The following NCR1 variants were observed in gnomAD, a reference collection of about 807,000 sequenced individuals.
NCR1 encodes the protein natural cytotoxicity triggering receptor 1.
NCR1 carries 30 observed loss-of-function variants against 32.5 expected under a neutral mutation model. The observed-to-expected ratio is 0.92, with a 90% CI of 0.69 to 1.25. NCR1 has a LOEUF of 1.25. NCR1 is among the 50% of genes most tolerant of loss of function. NCR1 has a pLI of 0.00. For synonymous variants in NCR1, 169 were observed against 143.4 expected (o/e 1.18, Z -1.28); for missense variants, 369 against 380.7 (o/e 0.97, Z 0.26).
intron 3 of NCR1, 85 bp from the exon 4 acceptor site, chr19:54,909,160 A>T (rs2067804951): frequency 3.0e-6 from 4 of 1,327,662 alleles, no homozygotes; most frequent in Admixed American, 4.4e-5. Flanking sequence ...ACAGAGAGAG[A>T]CTCCATCTCT....
At chr19:54,936,200 C>A in the NCR1 span, 1 of 1,477,850 alleles carries the variant, frequency 6.8e-7, no homozygotes, top group Non-Finnish European at 9.4e-7. Flanking sequence ...TTCCTAGATC[C>A]CCCAGCAACA....
chr19:54,903,558 A>G (rs1463346788), upstream of NCR1, among the ~76,000 whole-genome samples: 3 of 148,064 alleles, frequency 2.0e-5, no homozygotes, highest in African/African-American at 5.0e-5. Context: ...GTGTGTATAT[A>G]TACATATATG....
intron 3 of NCR1, 100 bp from the exon 4 acceptor site, chr19:54,909,145 G>A: frequency 8.3e-7 from 1 of 1,206,506 alleles, no homozygotes; most frequent in South Asian, 1.5e-5. Context: ...ACTCCAGCCT[G>A]GGCGACAGAG....
the NCR1 span, chr19:54,923,833 C>T: frequency 6.2e-7 from 1 of 1,614,046 alleles, no homozygotes; most frequent in Non-Finnish European, 8.5e-7. Flanking sequence ...CTTCCTCCAA[C>T]AGCTTCTTGA....
At chr19:54,919,186 C>T (rs1004363468), downstream of NCR1, among the ~76,000 whole-genome samples, 17 of 151,972 alleles carry the variant, frequency 1.1e-4, no homozygotes, top group African/African-American at 3.4e-4. Context: ...CTGTGTGCGG[C>T]GACGAGAGAG....
chr19:54,916,665 C>T (rs2068140818), downstream of NCR1, among the ~76,000 whole-genome samples: 1 of 150,418 alleles, frequency 6.6e-6, no homozygotes, highest in Non-Finnish European at 1.5e-5. Context: ...CCCTGATAAC[C>T]TCCACCTACT....
the NCR1 span, among the ~76,000 whole-genome samples, chr19:54,936,104 G>A: frequency 6.6e-6 from 1 of 152,098 alleles, no homozygotes; most frequent in South Asian, 2.1e-4. Context: ...GCTGGTGGGG[G>A]AAAGAGGAGA....
chr19:54,929,396 GTT>G, the NCR1 span, among the ~76,000 whole-genome samples: 10 of 103,862 alleles, frequency 9.6e-5, no homozygotes, highest in South Asian at 3.5e-4. Context: ...GTGTTCTAGT[GTT>G]TTTTTTCTTT....
the NCR1 span, among the ~76,000 whole-genome samples, chr19:54,922,819 C>T: frequency 6.9e-6 from 1 of 144,770 alleles, no homozygotes; most frequent in African/African-American, 2.6e-5. Context: ...AACAGAGAGA[C>T]ACATACAAAG....
At chr19:54,905,803 A>G (rs754022218), upstream of NCR1, among the ~76,000 whole-genome samples, 51 of 152,180 alleles carry the variant, frequency 3.4e-4, no homozygotes, top group Non-Finnish European at 6.9e-4. Flanking sequence ...CTGTTCCAGT[A>G]TCTCACTGTG....
At chr19:54,903,400 A>G (rs587601593), upstream of NCR1, among the ~76,000 whole-genome samples, 482 of 139,672 alleles carry the variant, frequency 3.5e-3, 12 homozygotes, top group African/African-American at 0.012. Flanking sequence ...ATATATGTAT[A>G]TGTATGTATA....
downstream of NCR1, among the ~76,000 whole-genome samples, chr19:54,917,672 T>G (rs1006157605): frequency 6.6e-6 from 1 of 152,110 alleles, no homozygotes; most frequent in African/African-American, 2.4e-5. Flanking sequence ...TGCTCTCCAC[T>G]CCAGGGGACA....
the NCR1 span, chr19:54,938,095 C>A: frequency 2.5e-6 from 4 of 1,614,018 alleles, no homozygotes; most frequent in Non-Finnish European, 3.4e-6. Context: ...ACAAAGAATC[C>A]GCACAGAAGA....
At chr19:54,933,853 T>TG in the NCR1 span, 1 of 915,360 alleles carries the variant, frequency 1.1e-6, no homozygotes, top group African/African-American at 1.6e-5. Flanking sequence ...GTTCATCCCC[T>TG]GCCCTCTGTC....
At chr19:54,922,778 CAAAAAAAAAAACA>C in the NCR1 span, among the ~76,000 whole-genome samples, 12 of 39,444 alleles carry the variant, frequency 3.0e-4, no homozygotes, top group Non-Finnish European at 4.0e-4. Flanking sequence ...AACTCCGTCT[CAAAAAAAAAAACA>C]AAAAAAAAAA....
chr19:54,912,079 C>T, intron 5 of NCR1, 89 bp from the exon 6 acceptor site: 1 of 1,162,420 alleles, frequency 8.6e-7, no homozygotes, highest in South Asian at 1.2e-5. Context: ...TGTAAAGCTG[C>T]AGAACGTCAT....
chr19:54,906,572 A>G lies in NCR1; in HGVS notation c.120A>G (p.Pro40=), dbSNP rs587690574. ...GGGCCGAGCCCCATTTCATGGTTCCAAAGGAAAAGCAAGTGACCATCTGTT... is the reference window on the plus strand; with the variant it reads ...GGGCCGAGCCCCATTTCATGGTTCCGAAGGAAAAGCAAGTGACCATCTGTT... ...FIWAEPHFMV[P]KEKQVTICCQ... is the part of the protein sequence containing the mutation. The change falls in exon 3 of 7, where the codon CCA becomes CCG. Residue 40 remains proline, a synonymous_variant. Transcript: ENST00000291890. The G allele has an allele frequency of 2.2e-4, 361 of 1,613,294 alleles. 5 individuals are homozygous for G. In the South Asian group the frequency reaches 3.9e-3, roughly 17 times the overall value.
At chr19:54,903,513 T>TGC (rs1445158767), upstream of NCR1, among the ~76,000 whole-genome samples, 296 of 128,060 alleles carry the variant, frequency 2.3e-3, 8 homozygotes, top group South Asian at 4.1e-3. Flanking sequence ...TATACACGCA[T>TGC]ACATGTGTGT....
downstream of NCR1, chr19:54,916,184 C>T (rs2068128188): frequency 6.6e-6 from 1 of 152,146 alleles, no homozygotes; most frequent in South Asian, 2.1e-4. Context: ...ACACCAAGGG[C>T]CTGGAACTTC....
Sources: allele counts gnomAD v4.1 joint callset (sites outside exome capture counted in the v4.1 genomes callset), GRCh38; gene constraint gnomAD v4.1.1; transcripts MANE v1.5; gene names NCBI Gene and HGNC (gene_info 2026-07-23, HGNC 2026-07-21).